ABCD2: variants seen among roughly 807,000 people sequenced by gnomAD.
ABCD2 encodes ATP binding cassette subfamily D member 2.
ABCD2 carries 36 observed loss-of-function variants against 70.9 expected under a neutral mutation model. The observed-to-expected ratio is 0.51, with a 90% CI of 0.39 to 0.67. The LOEUF (loss-of-function observed/expected upper bound fraction) is 0.67. Among genes scored for constraint, ABCD2 ranks in the 30% least tolerant of loss-of-function variants. The pLI, the probability that ABCD2 is intolerant of heterozygous loss-of-function variation, is 0.00. For missense variants in ABCD2, 729 were observed against 890.2 expected (o/e 0.82, Z 2.30); for synonymous variants, 304 against 306.9 (o/e 0.99, Z 0.10).
chr12:39,585,294 C>G (rs532475203), intron 7 of ABCD2, among the ~76,000 whole-genome samples: 20 of 152,170 alleles, frequency 1.3e-4, no homozygotes, highest in Admixed American at 5.9e-4. Context: ...AAGGGGATTG[C>G]CTTCCTGATT....
chr12:39,586,750 G>T (rs183612568), intron 6 of ABCD2, among the ~76,000 whole-genome samples: 81 of 152,230 alleles, frequency 5.3e-4, no homozygotes, highest in African/African-American at 1.9e-3. Context: ...CACTGTATTT[G>T]ATAAAGATTG....
At chr12:39,569,128 G>A (rs574017784) in intron 9 of ABCD2, among the ~76,000 whole-genome samples, 2 of 152,346 alleles carry the variant, frequency 1.3e-5, no homozygotes, top group African/African-American at 4.8e-5. Context: ...GCTGTGTGCT[G>A]TGAGAACCAC....
chr12:39,580,716 C>A (rs1028914452), intron 7 of ABCD2, among the ~76,000 whole-genome samples: 1 of 152,124 alleles, frequency 6.6e-6, no homozygotes, highest in African/African-American at 2.4e-5. Context: ...CAGATACTTA[C>A]AGCAAAATTT....
chr12:39,603,179 A>G (rs1199016228), intron 5 of ABCD2, among the ~76,000 whole-genome samples: 1 of 152,140 alleles, frequency 6.6e-6, no homozygotes, highest in Non-Finnish European at 1.5e-5. Flanking sequence ...ATTAATTAGC[A>G]TATGTGTTAT....
intron 2 of ABCD2, among the ~76,000 whole-genome samples, chr12:39,613,991 G>A (rs1334183748): frequency 6.6e-6 from 1 of 151,920 alleles, no homozygotes; most frequent in African/African-American, 2.4e-5. Context: ...ACTTTTGAAC[G>A]TGCTCCTTTA....
rs1941081032 is a variant in ABCD2, at chr12:39,551,074, G to A, written c.*2838C>T. 1 of 151,680 alleles carries A rather than the reference G, an allele frequency of 6.6e-6. No homozygotes were observed. The highest frequency in any genetic ancestry group is 2.4e-5 in the African/African-American group (1 of 41,420). The allele number at this position is 151,680 out of a possible 1,614,324, so 9.4% of individuals were successfully genotyped here. On this transcript the variant is annotated 3_prime_UTR_variant, in exon 10 of 10. Transcript: ENST00000308666. ...CTGTAAACAAATGTAAATTTGAGTT[G>A]AGTTTTAAGGTATATCATTCTTCTT...
At chr12:39,566,741 C>G (rs141456836) in intron 9 of ABCD2, among the ~76,000 whole-genome samples, 1 of 152,148 alleles carries the variant, frequency 6.6e-6, no homozygotes, top group East Asian at 1.9e-4. Context: ...AATTTTAGAT[C>G]TTTCCTGCTT....
intron 9 of ABCD2, among the ~76,000 whole-genome samples, chr12:39,565,810 C>G (rs1941336805): frequency 6.6e-6 from 1 of 152,088 alleles, no homozygotes; most frequent in African/African-American, 2.4e-5. Flanking sequence ...CCCATCAATA[C>G]CTAATTTATT....
chr12:39,608,112 G>T (rs980045112), intron 2 of ABCD2, among the ~76,000 whole-genome samples: 3 of 151,948 alleles, frequency 2.0e-5, no homozygotes, highest in Non-Finnish European at 4.4e-5. Context: ...AGGTTGCAGT[G>T]AACAGAGATC....
the ABCD2 span, among the ~76,000 whole-genome samples, chr12:39,535,653 G>T: frequency 6.6e-6 from 1 of 152,044 alleles, no homozygotes; most frequent in Admixed American, 6.6e-5. Context: ...ATTGAAATTT[G>T]TCTGTACTTA....
chr12:39,568,444 A>G (rs891420532), intron 9 of ABCD2, among the ~76,000 whole-genome samples: 15 of 151,992 alleles, frequency 9.9e-5, no homozygotes, highest in African/African-American at 2.4e-4. Context: ...TGCATTCACC[A>G]TGTTCATTCT....
rs547321277 is a variant in ABCD2, at chr12:39,576,152, TTTGTTGTTG to T, written c.1878-2320_1878-2312del. Among the ~76,000 whole-genome samples, 218 of 151,988 alleles carry T rather than the reference TTTGTTGTTG, an allele frequency of 1.4e-3. 1 individual carries two copies. The highest frequency in any genetic ancestry group is 5.1e-3 in the African/African-American group (210 of 41,454). ...GTCATAAATGCCAAGCTGTAAAGTT[TTTGTTGTTG>T]TTGTTGTTGTTGTTTTTGAGACGGA... On this transcript the variant is annotated intron_variant, in intron 8 of 9. Transcript: ENST00000308666.
intron 9 of ABCD2, among the ~76,000 whole-genome samples, chr12:39,557,597 T>C (rs533690551): frequency 6.6e-6 from 1 of 152,268 alleles, no homozygotes; most frequent in Non-Finnish European, 1.5e-5. Context: ...GTAAGTGGTC[T>C]TCATGGCAGC....
At chr12:39,544,261 G>T in the ABCD2 span, among the ~76,000 whole-genome samples, 17 of 152,208 alleles carry the variant, frequency 1.1e-4, 1 homozygote, top group Admixed American at 9.2e-4. Flanking sequence ...CCAGTTTATT[G>T]ATCTGGGTGA....
intron 9 of ABCD2, among the ~76,000 whole-genome samples, chr12:39,570,022 A>T (rs1363441090): frequency 6.6e-6 from 1 of 152,240 alleles, no homozygotes; most frequent in African/African-American, 2.4e-5. Flanking sequence ...CATAAATATA[A>T]GCAAGGAGGT....
chr12:39,548,477 G>A (rs1941048055), downstream of ABCD2, among the ~76,000 whole-genome samples: 1 of 151,900 alleles, frequency 6.6e-6, no homozygotes, highest in South Asian at 2.1e-4. Flanking sequence ...TAAAAAAGGG[G>A]ACTTTGACAA....
At chr12:39,583,670 C>A (rs185676233) in intron 7 of ABCD2, among the ~76,000 whole-genome samples, 1 of 152,160 alleles carries the variant, frequency 6.6e-6, no homozygotes, top group Non-Finnish European at 1.5e-5. Context: ...CTCCCTCCTC[C>A]TACCCTCCAA....
chr12:39,610,986 T>C (rs73268358), intron 2 of ABCD2, among the ~76,000 whole-genome samples: 30,102 of 152,066 alleles, frequency 0.2, 3,473 homozygotes, highest in African/African-American at 0.33. Flanking sequence ...TTGTCCTCAC[T>C]GAATATTTTA....
chr12:39,571,132 T>C (rs893891560), intron 9 of ABCD2, among the ~76,000 whole-genome samples: 1 of 152,096 alleles, frequency 6.6e-6, no homozygotes, highest in African/African-American at 2.4e-5. Flanking sequence ...GGAATATAAA[T>C]TAGTATAGCC....
Sources: gnomAD v4.1 joint callset for allele counts (sites outside exome capture counted in the v4.1 genomes callset) on GRCh38, gnomAD v4.1.1 for gene constraint, MANE v1.5 for transcripts, NCBI Gene and HGNC (gene_info 2026-07-23, HGNC 2026-07-21) for gene names.